SND1: variants seen among roughly 807,000 people sequenced by gnomAD.
SND1 encodes the protein staphylococcal nuclease domain-containing protein 1.
In SND1, 38 loss-of-function variants were observed where a neutral mutation model predicts 121.7. The observed-to-expected ratio is 0.31, with a 90% confidence interval of 0.24 to 0.41. The LOEUF (loss-of-function observed/expected upper bound fraction) is 0.41, where lower values mean the gene tolerates loss of function less well. Among genes scored for constraint, SND1 ranks in the 10% least tolerant of loss-of-function variants. SND1 has a pLI of 1.00. For missense variants in SND1, 868 were observed against 1,184.6 expected, an observed-to-expected ratio of 0.73 and a Z score of 3.92; for synonymous variants, 401 against 447.4, an observed-to-expected ratio of 0.90 and a Z score of 1.31.
At chr7:128,004,772 T>C (rs2116938324) in intron 16 of SND1, among the ~76,000 whole-genome samples, 1 of 152,322 alleles carries the variant, frequency 6.6e-6, no homozygotes, top group East Asian at 1.9e-4. Flanking sequence ...TTCCTGGTTG[T>C]CTGCATAAGG....
chr7:127,654,939 T>A (rs536746597), intron 1 of SND1, among the ~76,000 whole-genome samples: 2 of 152,350 alleles, frequency 1.3e-5, no homozygotes, highest in Non-Finnish European at 2.9e-5. Flanking sequence ...AGAGTAATAG[T>A]TTCCATTGGT....
chr7:128,020,204 T>G (rs370691753), intron 16 of SND1, among the ~76,000 whole-genome samples: 48 of 152,330 alleles, frequency 3.2e-4, no homozygotes, highest in Middle Eastern at 3.4e-3. Flanking sequence ...CCTGTTTGAA[T>G]GAAATCATGA....
In SND1 at chr7:127,900,611, T is replaced by C. The variant is rs116776975; in HGVS notation, c.1455-4136T>C. ...GCTAATATGTGAGAGTTTCGAGCTT[T>C]GCTGTTTAAAGAAAGCAGAGTTTTC... On this transcript the variant is annotated intron_variant, in intron 13 of 23. Coordinates refer to ENST00000354725, the MANE Select transcript of SND1 (RefSeq NM_014390.4). Among the ~76,000 whole-genome samples the C allele has an allele frequency of 2.4e-3, 361 of 152,342 alleles. 4 individuals carry two copies. The highest frequency in any genetic ancestry group is 0.01 in the Middle Eastern group (3 of 294).
intron 14 of SND1, among the ~76,000 whole-genome samples, chr7:127,924,869 T>A (rs1024178210): frequency 2.6e-5 from 4 of 152,198 alleles, no homozygotes; most frequent in African/African-American, 9.6e-5. Flanking sequence ...TACCCACATT[T>A]GGAAGAGATG....
chr7:127,801,382 T>G (rs1798124926), intron 10 of SND1, among the ~76,000 whole-genome samples: 1 of 152,242 alleles, frequency 6.6e-6, no homozygotes, highest in African/African-American at 2.4e-5. Flanking sequence ...AAGTACCTGT[T>G]TATATCTTTT....
chr7:128,049,168 G>A (rs922596825), intron 16 of SND1, among the ~76,000 whole-genome samples: 1 of 152,140 alleles, frequency 6.6e-6, no homozygotes, highest in African/African-American at 2.4e-5. Flanking sequence ...TCAACCTGCA[G>A]ATTTTTTCAC....
chr7:127,692,633 C>G (rs1218427780), intron 2 of SND1: 1 of 152,224 alleles, frequency 6.6e-6, no homozygotes, highest in Non-Finnish European at 1.5e-5. Context: ...CTCTATAGCT[C>G]TTTGAGTCTC....
At chr7:127,836,087 A>G (rs2116632418) in intron 11 of SND1, among the ~76,000 whole-genome samples, 1 of 152,284 alleles carries the variant, frequency 6.6e-6, no homozygotes, top group Admixed American at 6.5e-5. Flanking sequence ...AAATGAATGC[A>G]TGATGTCAGA....
At chr7:127,838,072 C>G (rs62481416) in intron 11 of SND1, among the ~76,000 whole-genome samples, 2 of 151,838 alleles carry the variant, frequency 1.3e-5, no homozygotes, top group African/African-American at 4.8e-5. Flanking sequence ...AGCAGGGGTA[C>G]GAGCCTGAGT....
chr7:127,929,729 C>G (rs574318042), intron 15 of SND1, among the ~76,000 whole-genome samples: 1 of 152,276 alleles, frequency 6.6e-6, no homozygotes, highest in African/African-American at 2.4e-5. Context: ...ACACTCTTCC[C>G]CTGTAGCTCC....
chr7:127,947,291 A>T (rs922882805), intron 15 of SND1, among the ~76,000 whole-genome samples: 2 of 152,214 alleles, frequency 1.3e-5, no homozygotes, highest in Admixed American at 6.5e-5. Context: ...GCCTCTGGAA[A>T]TGTGTACATC....
chr7:127,913,269 A>G (rs1223294968), intron 14 of SND1, among the ~76,000 whole-genome samples: 2 of 152,194 alleles, frequency 1.3e-5, no homozygotes, highest in Non-Finnish European at 2.9e-5. Context: ...ACTTTCTGCC[A>G]TAAATTTTTC....
intron 16 of SND1, among the ~76,000 whole-genome samples, chr7:128,017,273 C>A (rs1469885360): frequency 6.6e-6 from 1 of 152,136 alleles, no homozygotes; most frequent in African/African-American, 2.4e-5. Flanking sequence ...TACCTGCAAA[C>A]CTGCCTAGAT....
At chr7:127,764,258 T>C (rs1797369924) in intron 10 of SND1, among the ~76,000 whole-genome samples, 1 of 152,100 alleles carries the variant, frequency 6.6e-6, no homozygotes, top group African/African-American at 2.4e-5. Flanking sequence ...AAAAAACACT[T>C]TTTGTTTCTT....
At chr7:127,706,556 C>T (rs1796205362) in intron 8 of SND1, among the ~76,000 whole-genome samples, 2 of 152,048 alleles carry the variant, frequency 1.3e-5, no homozygotes, top group African/African-American at 4.8e-5. Flanking sequence ...CTGTGCCTGG[C>T]CCAGTATCTT....
At chr7:128,026,431 C>T (rs1395834395) in intron 16 of SND1, among the ~76,000 whole-genome samples, 1 of 152,152 alleles carries the variant, frequency 6.6e-6, no homozygotes, top group Non-Finnish European at 1.5e-5. Context: ...CCTCTCTTTC[C>T]CTCCTTAGTG....
At chr7:127,954,582 A>G (rs557900095) in intron 15 of SND1, among the ~76,000 whole-genome samples, 5 of 152,242 alleles carry the variant, frequency 3.3e-5, no homozygotes, top group Non-Finnish European at 7.4e-5. Context: ...ACCACTCTCC[A>G]AGAGCTTTGT....
intron 16 of SND1, among the ~76,000 whole-genome samples, chr7:128,040,178 C>T (rs146801158): frequency 2.0e-4 from 31 of 152,136 alleles, no homozygotes; most frequent in African/African-American, 7.5e-4. Flanking sequence ...CCTTCTCCAG[C>T]TTTGTCAGTG....
chr7:128,034,585 G>GC, intron 16 of SND1, among the ~76,000 whole-genome samples: 1 of 152,314 alleles, frequency 6.6e-6, no homozygotes, highest in Non-Finnish European at 1.5e-5. Context: ...AATGAAAGCT[G>GC]CTGCCCCGCA....
Sources: allele counts gnomAD v4.1 joint callset (sites outside exome capture counted in the v4.1 genomes callset), GRCh38; gene constraint gnomAD v4.1.1; transcripts MANE v1.5; gene names NCBI Gene and HGNC (gene_info 2026-07-23, HGNC 2026-07-21).